RAB27A: variants seen among roughly 807,000 people sequenced by gnomAD.
RAB27A encodes the protein RAB27A, member RAS oncogene family, also known as ras-related protein Rab-27A.
Under a neutral mutation model 20.8 loss-of-function variants are expected in RAB27A, and 17 were observed. The ratio of observed to expected loss-of-function variants is 0.82; its 90% CI spans 0.56 to 1.23. The LOEUF (loss-of-function observed/expected upper bound fraction) is 1.23. Among genes scored for constraint, RAB27A ranks in the 50% most tolerant of loss-of-function variants. RAB27A has a pLI of 0.00. For missense variants in RAB27A, 277 were observed against 266.7 expected (o/e 1.04, Z -0.27); for synonymous variants, 85 against 92.8 (o/e 0.92, Z 0.48).
intron 2 of RAB27A, among the ~76,000 whole-genome samples, chr15:55,311,982 TC>T (rs537449062): frequency 9.9e-4 from 151 of 152,314 alleles, no homozygotes; most frequent in Middle Eastern, 6.8e-3. Context: ...CCTCACGGAT[TC>T]CAAGGAATGG....
At chr15:55,290,906 T>G (rs188548496), upstream of RAB27A, among the ~76,000 whole-genome samples, 1 of 152,362 alleles carries the variant, frequency 6.6e-6, no homozygotes, top group Admixed American at 6.5e-5. Context: ...CGCTGACTTG[T>G]GTCTACCTCC....
chr15:55,278,444 A>C (rs1897928988), intron 1 of RAB27A, among the ~76,000 whole-genome samples: 1 of 151,528 alleles, frequency 6.6e-6, no homozygotes. Context: ...TTTTTCCTTC[A>C]TAATAGCACC....
chr15:55,211,008 T>C (rs528680897), intron 6 of RAB27A, among the ~76,000 whole-genome samples: 1 of 152,306 alleles, frequency 6.6e-6, no homozygotes, highest in East Asian at 1.9e-4. Context: ...CAGCATCATT[T>C]ATTGAAGAGA....
In RAB27A at chr15:55,230,399, A is replaced by C. The variant is rs776865859; in HGVS notation, c.239+2T>G. On this transcript the variant is annotated splice_donor_variant, in intron 4 of 6. Transcript: ENST00000336787. LOFTEE classifies it high-confidence loss of function. ...AGGAGCACATAACTGAAGATCTCATACCTCTCCTGCCCTGCTGTGTCCCAT... is the reference window on the plus strand; with the variant it reads ...AGGAGCACATAACTGAAGATCTCATCCCTCTCCTGCCCTGCTGTGTCCCAT... 1.9e-6 allele frequency: 3 copies of C among 1,607,360 alleles called. No homozygotes were observed. The highest frequency in any genetic ancestry group is 1.7e-6 in the Non-Finnish European group (2 of 1,173,970).
At chr15:55,262,972 G>A (rs913685780) in intron 2 of RAB27A, among the ~76,000 whole-genome samples, 2 of 152,176 alleles carry the variant, frequency 1.3e-5, no homozygotes, top group African/African-American at 2.4e-5. Context: ...TGCTAAGTAC[G>A]AGTATTATGA....
chr15:55,237,268 G>A (rs918804209), intron 2 of RAB27A: 1 of 152,004 alleles, frequency 6.6e-6, no homozygotes, highest in Non-Finnish European at 1.5e-5. Context: ...AATATTTACT[G>A]GTTTTCAGTG....
intron 6 of RAB27A, among the ~76,000 whole-genome samples, chr15:55,220,378 T>A (rs532507406): frequency 2.8e-4 from 42 of 152,188 alleles, no homozygotes; most frequent in Non-Finnish European, 4.9e-4. Context: ...CAAGCGATTC[T>A]CCTGCCTCAG....
intron 1 of RAB27A, among the ~76,000 whole-genome samples, chr15:55,284,980 A>G (rs1898109571): frequency 6.6e-6 from 1 of 152,142 alleles, no homozygotes; most frequent in African/African-American, 2.4e-5. Flanking sequence ...GGACATTTTC[A>G]CCATCGATGC....
intron 2 of RAB27A, among the ~76,000 whole-genome samples, chr15:55,261,860 C>G (rs913253484): frequency 6.6e-6 from 1 of 151,208 alleles, no homozygotes; most frequent in Middle Eastern, 3.5e-3. Flanking sequence ...CAACATGGTG[C>G]AATCCCATCT....
At chr15:55,267,883 G>T (rs1897560200) in intron 2 of RAB27A, among the ~76,000 whole-genome samples, 1 of 152,164 alleles carries the variant, frequency 6.6e-6, no homozygotes, top group African/African-American at 2.4e-5. Context: ...CAGCCAGCAA[G>T]ATTTCACCAG....
Position 55,203,511 on chromosome 15 carries a change from T to C in RAB27A, c.*1996A>G, listed in dbSNP as rs570713731. 6.7e-6 allele frequency: 1 copy of C among 149,992 alleles called. No individual in the cohort carries two copies. Among genetic ancestry groups the C allele is most frequent in the South Asian group, 2.1e-4 (1 of 4,696 alleles). 9.3% of individuals were successfully genotyped at this position (149,992 alleles called of 1,614,324 possible). A position where few individuals can be genotyped will look rare whatever the true frequency, so the allele number is the denominator to read the frequency against. On this transcript the variant is annotated 3_prime_UTR_variant, in exon 7 of 7. Coordinates refer to ENST00000336787, the MANE Select transcript of RAB27A (RefSeq NM_183235.3). The stretch of plus-strand genomic sequence containing the variant: ...CTCACTGCAAGCTCCGCCTCCCAGG[T>C]TCACGCCATTCTCCTGCCTCAGCCT...
intron 6 of RAB27A, among the ~76,000 whole-genome samples, chr15:55,218,845 C>G (rs2140943172): frequency 6.6e-6 from 1 of 151,606 alleles, no homozygotes; most frequent in Middle Eastern, 3.4e-3. Context: ...TGGGTTCAAG[C>G]AATTCTCCTG....
At chr15:55,266,763 G>A (rs1448950255) in intron 2 of RAB27A, among the ~76,000 whole-genome samples, 2 of 152,154 alleles carry the variant, frequency 1.3e-5, no homozygotes, top group African/African-American at 4.8e-5. Context: ...AGCCAGAAAT[G>A]GCAGAACCAA....
At chr15:55,282,427 A>C (rs769637975) in intron 1 of RAB27A, among the ~76,000 whole-genome samples, 1 of 152,160 alleles carries the variant, frequency 6.6e-6, no homozygotes, top group Non-Finnish European at 1.5e-5. Context: ...AGTGTAACAA[A>C]TGTGGTTTCC....
intron 2 of RAB27A, among the ~76,000 whole-genome samples, chr15:55,242,248 T>TGCAA (rs1271037074): frequency 3.3e-5 from 5 of 152,234 alleles, no homozygotes; most frequent in Non-Finnish European, 7.3e-5. Context: ...TACTTGATTT[T>TGCAA]ATTTTATCTG....
chr15:55,208,836 G>A (rs1167844782), intron 6 of RAB27A, among the ~76,000 whole-genome samples: 1 of 152,170 alleles, frequency 6.6e-6, no homozygotes, highest in East Asian at 1.9e-4. Flanking sequence ...TAGAAGCAGA[G>A]TAGATAGCTA....
intron 2 of RAB27A, among the ~76,000 whole-genome samples, chr15:55,306,700 G>T (rs1442759102): frequency 6.6e-6 from 1 of 152,180 alleles, no homozygotes; most frequent in East Asian, 1.9e-4. Context: ...GGGCGGTGAA[G>T]GCGGGGTTTC....
At chr15:55,288,315 G>A (rs1005262430) in intron 1 of RAB27A, among the ~76,000 whole-genome samples, 3 of 152,058 alleles carry the variant, frequency 2.0e-5, no homozygotes, top group Non-Finnish European at 4.4e-5. Flanking sequence ...GAGGTCAGGA[G>A]TTCAAGACCA....
intron 6 of RAB27A, among the ~76,000 whole-genome samples, chr15:55,216,311 G>A (rs1181886685): frequency 2.6e-5 from 4 of 152,036 alleles, no homozygotes; most frequent in Non-Finnish European, 5.9e-5. Context: ...AGGCAGGGTC[G>A]GAGTTGAGGT....
Sources: gnomAD v4.1 joint callset for allele counts (sites outside exome capture counted in the v4.1 genomes callset) on GRCh38, gnomAD v4.1.1 for gene constraint, MANE v1.5 for transcripts, NCBI Gene and HGNC (gene_info 2026-07-23, HGNC 2026-07-21) for gene names.